The following TRMT2B variants were observed in gnomAD, a reference collection of about 807,000 sequenced individuals.
TRMT2B encodes tRNA (uracil-5-)-methyltransferase homolog B.
A neutral mutation model predicts 39.7 loss-of-function variants in TRMT2B; 34 were observed. That is an observed-to-expected ratio of 0.86 (90% CI 0.65 to 1.14). TRMT2B has a LOEUF of 1.14. Ranked by LOEUF, TRMT2B falls within the 50% of genes most tolerant of loss-of-function variation. TRMT2B has a pLI of 0.00. For missense variants in TRMT2B, 318 were observed against 377.2 expected (o/e 0.84, Z 1.30); for synonymous variants, 132 against 137.3 (o/e 0.96, Z 0.27).
chrX:101,020,386 G>T, intron 11 of TRMT2B, 101 bp downstream of exon 11: 1 of 660,575 alleles, frequency 1.5e-6, no homozygotes, highest in Non-Finnish European at 2.4e-6. Context: ...CTTCCTCCCT[G>T]TGGGTCAGGG....
chrX:100,978,753 T>G, the TRMT2B span, among the ~76,000 whole-genome samples: 445 of 111,206 alleles, frequency 4.0e-3, 3 homozygotes, highest in African/African-American at 0.013. Context: ...GGTTGTTTTT[T>G]GGTCTTTTCC....
the TRMT2B span, among the ~76,000 whole-genome samples, chrX:101,000,121 A>ATTTT: frequency 1.0e-5 from 1 of 95,849 alleles, no homozygotes. Context: ...ATGAGAGTTA[A>ATTTT]TTTTTTTTTT....
At chrX:101,016,652 T>TG (rs1455685312) in intron 13 of TRMT2B, among the ~76,000 whole-genome samples, 2 of 97,730 alleles carry the variant, frequency 2.0e-5, no homozygotes, top group African/African-American at 3.8e-5. Context: ...GTTTTTTTTT[T>TG]TTTTTTTTTT....
chrX:100,990,727 T>C, the TRMT2B span: 1 of 583,058 alleles, frequency 1.7e-6, no homozygotes, highest in Non-Finnish European at 2.7e-6. Context: ...CAACCAAAAC[T>C]GAGCCTTAGA....
At chrX:101,023,286 G>A (rs1054541567) in intron 8 of TRMT2B, among the ~76,000 whole-genome samples, 184 bp downstream of exon 8, 1 of 111,846 alleles carries the variant, frequency 8.9e-6, no homozygotes, top group Non-Finnish European at 1.9e-5. Context: ...TTGATTATGC[G>A]AGCAGTATGG....
intron 2 of TRMT2B, among the ~76,000 whole-genome samples, chrX:101,044,765 A>T (rs1371949249): frequency 2.0e-5 from 2 of 100,130 alleles, no homozygotes; most frequent in Non-Finnish European, 4.0e-5. Flanking sequence ...GCTTGAACCC[A>T]GGAGGCGGAG....
the TRMT2B span, among the ~76,000 whole-genome samples, chrX:100,996,702 A>G: frequency 9.0e-6 from 1 of 111,440 alleles, no homozygotes; most frequent in African/African-American, 3.3e-5. Context: ...GGAGATTAAG[A>G]AAATTTACAT....
intron 2 of TRMT2B, among the ~76,000 whole-genome samples, chrX:101,048,356 A>G (rs2088829788): frequency 9.0e-6 from 1 of 110,597 alleles, no homozygotes; most frequent in East Asian, 2.8e-4. Context: ...TCAGGTGTTA[A>G]TGATAGCACT....
At chrX:100,984,448 G>A in the TRMT2B span, among the ~76,000 whole-genome samples, 2 of 111,538 alleles carry the variant, frequency 1.8e-5, no homozygotes, top group African/African-American at 6.5e-5. Context: ...CAAGACTACC[G>A]TTTTCAACTC....
intron 7 of TRMT2B, among the ~76,000 whole-genome samples, chrX:101,029,657 G>C (rs2087329542): frequency 9.0e-6 from 1 of 111,443 alleles, no homozygotes; most frequent in African/African-American, 3.3e-5. Flanking sequence ...TGAACTTATA[G>C]GGGTGCAAAA....
intron 2 of TRMT2B, among the ~76,000 whole-genome samples, chrX:101,050,640 C>T (rs2089010024): frequency 9.0e-6 from 1 of 111,613 alleles, no homozygotes. Context: ...AGGAGAATCG[C>T]TTGAACCTGG....
chrX:100,974,037 C>A, the TRMT2B span: 19 of 758,036 alleles, frequency 2.5e-5, no homozygotes, highest in Middle Eastern at 8.8e-4. Context: ...CAGGCAGAGT[C>A]CCAAACAATA....
chrX:100,991,340 T>A, the TRMT2B span, among the ~76,000 whole-genome samples: 2 of 110,462 alleles, frequency 1.8e-5, no homozygotes, highest in South Asian at 7.9e-4. Context: ...CACCATTTAT[T>A]GAGTGCATTC....
the TRMT2B span, chrX:100,988,353 C>G: frequency 8.3e-7 from 1 of 1,206,583 alleles, no homozygotes. Context: ...CTAACTTTCC[C>G]CCCCATCATC....
At chrX:101,048,987 C>T (rs2088872490) in intron 2 of TRMT2B, among the ~76,000 whole-genome samples, 1 of 112,144 alleles carries the variant, frequency 8.9e-6, no homozygotes, top group Admixed American at 9.6e-5. Flanking sequence ...AAGCATATCA[C>T]TTGGTTTCTT....
At chrX:101,044,852 A>C (rs953773027) in intron 2 of TRMT2B, among the ~76,000 whole-genome samples, 1 of 105,808 alleles carries the variant, frequency 9.5e-6, no homozygotes, top group Non-Finnish European at 1.9e-5. Flanking sequence ...AAAAAAAAAA[A>C]AAAAAAAAAC....
chrX:101,008,504 C>T (rs750926779), downstream of TRMT2B, among the ~76,000 whole-genome samples: 1 of 111,180 alleles, frequency 9.0e-6, no homozygotes, highest in African/African-American at 3.3e-5. Flanking sequence ...CGCCTGTAAT[C>T]CCAGCTACTC....
At chrX:101,004,930 G>A (rs2086090551), downstream of TRMT2B, among the ~76,000 whole-genome samples, 1 of 111,724 alleles carries the variant, frequency 9.0e-6, no homozygotes, top group Non-Finnish European at 1.9e-5. Flanking sequence ...CCAGGACTGA[G>A]GGGTTTCTCA....
At chrX:100,995,526 C>T in the TRMT2B span, among the ~76,000 whole-genome samples, 2 of 112,071 alleles carry the variant, frequency 1.8e-5, no homozygotes, top group South Asian at 3.7e-4. Flanking sequence ...GGTGGCTCTG[C>T]TGTTGGGTGG....
Sources: allele counts gnomAD v4.1 joint callset (sites outside exome capture counted in the v4.1 genomes callset), GRCh38; gene constraint gnomAD v4.1.1; transcripts MANE v1.5; gene names NCBI Gene and HGNC (gene_info 2026-07-23, HGNC 2026-07-21).